The following DYM variants were observed in gnomAD, a reference collection of about 807,000 sequenced individuals.
DYM encodes the protein dymeclin, also known as dyggve-Melchior-Clausen syndrome protein.
A neutral mutation model predicts 93.1 loss-of-function variants in DYM; 78 were observed. That is an observed-to-expected ratio of 0.84 (90% CI 0.70 to 1.01). The LOEUF (loss-of-function observed/expected upper bound fraction) is 1.01, where lower values mean the gene tolerates loss of function less well. Ranked by LOEUF, DYM falls within the 50% of genes least tolerant of loss-of-function variation. The pLI, the probability that DYM is intolerant of heterozygous loss-of-function variation, is 0.00. For missense variants in DYM, 789 were observed against 845.0 expected (o/e 0.93, Z 0.82); for synonymous variants, 321 against 319.7 (o/e 1.00, Z -0.04).
At chr18:49,330,878 A>G (rs1178513242) in intron 8 of DYM, among the ~76,000 whole-genome samples, 1 of 152,214 alleles carries the variant, frequency 6.6e-6, no homozygotes, top group Non-Finnish European at 1.5e-5. Context: ...AGTGTGACTC[A>G]ATTCATAATA....
intron 17 of DYM, among the ~76,000 whole-genome samples, chr18:49,093,871 T>G (rs974366333): frequency 6.6e-6 from 1 of 152,198 alleles, no homozygotes; most frequent in African/African-American, 2.4e-5. Context: ...GTTGATATGA[T>G]TTTTTATATT....
chr18:49,062,909 T>A lies in DYM; in HGVS notation c.2026-18705A>T, dbSNP rs541321454. Among the ~76,000 whole-genome samples, 6 of 152,224 alleles carry A rather than the reference T, an allele frequency of 3.9e-5. No individual in the cohort carries two copies. In the East Asian group the frequency reaches 1.2e-3, roughly 29 times the overall value. ...TGTCGTGATGGGAAGGAGATTATAA[T>A]CCACCTGGAAAGCCAATGAGGCAAT... On this transcript the variant is annotated intron_variant, in intron 17 of 17. Transcript: ENST00000675505.
intron 17 of DYM, among the ~76,000 whole-genome samples, chr18:49,091,590 T>A (rs1197388532): frequency 2.0e-5 from 3 of 152,114 alleles, no homozygotes. Context: ...GCGGCTGATG[T>A]TAAAGCGCTG....
chr18:49,052,132 A>G, intron 17 of DYM, among the ~76,000 whole-genome samples: 1 of 152,220 alleles, frequency 6.6e-6, no homozygotes, highest in Non-Finnish European at 1.5e-5. Context: ...AGCACATGGT[A>G]AGGAGCTTCC....
chr18:49,094,324 T>C (rs1374075943), intron 17 of DYM, among the ~76,000 whole-genome samples: 2 of 152,184 alleles, frequency 1.3e-5, no homozygotes, highest in Non-Finnish European at 2.9e-5. Context: ...GCCAGGAACA[T>C]GCCCTGTTGT....
intron 6 of DYM, among the ~76,000 whole-genome samples, chr18:49,344,557 A>C (rs1035132651): frequency 1.3e-5 from 2 of 152,234 alleles, no homozygotes; most frequent in African/African-American, 4.8e-5. Context: ...GTCTGCAGTT[A>C]TCTCTCCCGT....
intron 8 of DYM, among the ~76,000 whole-genome samples, chr18:49,290,446 G>A (rs976459967): frequency 6.6e-6 from 1 of 151,484 alleles, no homozygotes; most frequent in African/African-American, 2.4e-5. Context: ...GGGATTGCAT[G>A]GAATTCAAGG....
intron 15 of DYM, among the ~76,000 whole-genome samples, chr18:49,124,191 C>A (rs568377228): frequency 6.6e-6 from 1 of 152,178 alleles, no homozygotes; most frequent in South Asian, 2.1e-4. Context: ...ATTTTATTCC[C>A]AAGTCAGGGA....
intron 14 of DYM, among the ~76,000 whole-genome samples, chr18:49,175,141 TA>T (rs1171495343): frequency 7.9e-5 from 12 of 152,188 alleles, no homozygotes; most frequent in African/African-American, 2.9e-4. Context: ...TGCATATTTG[TA>T]CTGTAAACAT....
intron 17 of DYM, among the ~76,000 whole-genome samples, chr18:49,092,164 A>T (rs1290099029): frequency 6.6e-6 from 1 of 152,212 alleles, no homozygotes; most frequent in Non-Finnish European, 1.5e-5. Flanking sequence ...AAAACCACTA[A>T]TTACTTTACT....
At chr18:49,156,432 A>C (rs567229762) in intron 15 of DYM, among the ~76,000 whole-genome samples, 7 of 152,128 alleles carry the variant, frequency 4.6e-5, no homozygotes, top group Non-Finnish European at 1.0e-4. Flanking sequence ...CCCCTCAAAA[A>C]AAACAACAAC....
At chr18:49,158,723 A>G (rs528083976) in intron 15 of DYM, among the ~76,000 whole-genome samples, 1 of 152,272 alleles carries the variant, frequency 6.6e-6, no homozygotes, top group East Asian at 1.9e-4. Flanking sequence ...GGCTTGTTTC[A>G]CTTAACAAGA....
At chr18:49,335,935 T>C (rs1568273367) in intron 6 of DYM, among the ~76,000 whole-genome samples, 1 of 152,016 alleles carries the variant, frequency 6.6e-6, no homozygotes, top group Non-Finnish European at 1.5e-5. Context: ...TGCCTTAGCC[T>C]CTCAAGTAGC....
At chr18:49,305,354 C>A (rs1363811853) in intron 8 of DYM, among the ~76,000 whole-genome samples, 1 of 152,170 alleles carries the variant, frequency 6.6e-6, no homozygotes, top group East Asian at 1.9e-4. Context: ...ATCTCAAGTG[C>A]ACCCCCAGCT....
At chr18:49,436,218 GT>G (rs2080850206) in intron 1 of DYM, among the ~76,000 whole-genome samples, 1 of 152,102 alleles carries the variant, frequency 6.6e-6, no homozygotes, top group Non-Finnish European at 1.5e-5. Context: ...GTCTTGCTAT[GT>G]TGCTGAGGCT....
intron 9 of DYM, among the ~76,000 whole-genome samples, chr18:49,283,933 C>T (rs138556723): frequency 6.6e-6 from 1 of 152,262 alleles, no homozygotes. Context: ...TTTTTCAATA[C>T]TAACACTGTA....
rs188737712 is a variant in DYM at position 49,164,987 on chromosome 18, C to A, written c.1626-1200G>T. Among the ~76,000 whole-genome samples the A allele has an allele frequency of 3.3e-5, 5 of 152,160 alleles. No homozygotes were observed. The East Asian group carries it at 9.7e-4, about 29-fold the overall frequency. On this transcript the variant is annotated intron_variant, in intron 14 of 17. Coordinates refer to ENST00000675505, the MANE Select transcript of DYM (RefSeq NM_001353214.3). Reference sequence around the variant, plus strand: ...CAGTTAAATGTCAGAGATTTTCAGACTGGATAAAAAAGCGAGACCCAACCA... The same window carrying A: ...CAGTTAAATGTCAGAGATTTTCAGAATGGATAAAAAAGCGAGACCCAACCA...
chr18:49,301,057 C>G (rs2060898763), intron 8 of DYM, among the ~76,000 whole-genome samples: 1 of 152,010 alleles, frequency 6.6e-6, no homozygotes, highest in Admixed American at 6.6e-5. Context: ...TCTGGAAGCA[C>G]TGGAAAACTA....
chr18:49,224,800 T>C (rs1206979805), intron 13 of DYM, among the ~76,000 whole-genome samples: 1 of 152,072 alleles, frequency 6.6e-6, no homozygotes, highest in Non-Finnish European at 1.5e-5. Context: ...TATTTTGTTA[T>C]AGCAACCCGA....
Sources: gnomAD v4.1 joint callset for allele counts (sites outside exome capture counted in the v4.1 genomes callset) on GRCh38, gnomAD v4.1.1 for gene constraint, MANE v1.5 for transcripts, NCBI Gene and HGNC (gene_info 2026-07-23, HGNC 2026-07-21) for gene names.